Variants in AGMO observed in about 807,000 individuals in gnomAD.
The protein encoded by AGMO is alkylglycerol monooxygenase, also known as glyceryl-ether monooxygenase.
In AGMO, 75 loss-of-function variants were observed where a neutral mutation model predicts 60.2. That is an observed-to-expected ratio of 1.25 (90% CI 1.03 to 1.51). The LOEUF (loss-of-function observed/expected upper bound fraction) is 1.51. AGMO is among the 40% of genes most tolerant of loss of function. The pLI is 0.00. For missense variants in AGMO, 763 were observed against 525.5 expected (o/e 1.45, Z -4.42); for synonymous variants, 261 against 177.1 (o/e 1.47, Z -3.76).
chr7:15,175,689 A>C, the AGMO span, among the ~76,000 whole-genome samples: 5 of 151,960 alleles, frequency 3.3e-5, no homozygotes, highest in Non-Finnish European at 5.9e-5. Flanking sequence ...CAATTTTTAA[A>C]TGATAATAAC....
At chr7:15,307,047 T>A (rs919990707) in intron 12 of AGMO, among the ~76,000 whole-genome samples, 2 of 152,036 alleles carry the variant, frequency 1.3e-5, no homozygotes, top group African/African-American at 2.4e-5. Context: ...ATAAAGTGAT[T>A]CCAAAAAATA....
At chr7:15,142,110 T>A in the AGMO span, among the ~76,000 whole-genome samples, 2 of 152,170 alleles carry the variant, frequency 1.3e-5, no homozygotes. Context: ...CATGTTATTC[T>A]TAATCTCTAA....
intron 12 of AGMO, among the ~76,000 whole-genome samples, chr7:15,356,679 TG>T (rs559073564): frequency 7.2e-4 from 109 of 152,094 alleles, no homozygotes; most frequent in African/African-American, 2.5e-3. Flanking sequence ...TTATTTAGAA[TG>T]GTGTTTATTT....
chr7:15,179,517 T>G, the AGMO span, among the ~76,000 whole-genome samples: 1 of 152,178 alleles, frequency 6.6e-6, no homozygotes, highest in Non-Finnish European at 1.5e-5. Flanking sequence ...TCCTAAATTC[T>G]GGGAACACAC....
chr7:15,196,119 T>C (rs866742425), downstream of AGMO, among the ~76,000 whole-genome samples: 9 of 151,064 alleles, frequency 6.0e-5, no homozygotes, highest in African/African-American at 9.8e-5. Context: ...CTCGGCTCAC[T>C]GCAACCTCTG....
chr7:15,232,395 C>G (rs1467625114), intron 12 of AGMO, among the ~76,000 whole-genome samples: 5 of 152,178 alleles, frequency 3.3e-5, no homozygotes, highest in African/African-American at 9.7e-5. Context: ...TCCTTCTCTC[C>G]TTCTCCCCAC....
intron 5 of AGMO, among the ~76,000 whole-genome samples, chr7:15,395,165 T>C (rs1257178404): frequency 6.6e-6 from 1 of 152,206 alleles, no homozygotes; most frequent in Non-Finnish European, 1.5e-5. Flanking sequence ...ATCAATACAC[T>C]GTTATGATAT....
chr7:15,219,176 A>G (rs1477572966), intron 12 of AGMO, among the ~76,000 whole-genome samples: 2 of 152,214 alleles, frequency 1.3e-5, no homozygotes, highest in Non-Finnish European at 2.9e-5. Flanking sequence ...ATAAAATTAC[A>G]ATAATCACCC....
intron 12 of AGMO, among the ~76,000 whole-genome samples, chr7:15,325,289 A>G (rs1440734746): frequency 4.6e-5 from 7 of 152,274 alleles, no homozygotes; most frequent in East Asian, 3.9e-4. Flanking sequence ...AGTATTCACT[A>G]TATCAAATAT....
In AGMO at chr7:15,463,788, A is replaced by G. The variant is rs145105568; in HGVS notation, c.410-32680T>C. Among the ~76,000 whole-genome samples the G allele has an allele frequency of 2.0e-5, 3 of 152,276 alleles. No homozygotes were observed. In the East Asian group the frequency reaches 5.8e-4, roughly 29 times the overall value. ...TGTCTGAAGTATACAGAACTACTAC[A>G]AGTGATGAAATTACAGTTTGAATGT... On this transcript the variant is annotated intron_variant, in intron 3 of 12. Transcript: ENST00000342526.
intron 10 of AGMO, among the ~76,000 whole-genome samples, chr7:15,367,919 A>G (rs1032071708): frequency 6.6e-6 from 1 of 152,130 alleles, no homozygotes; most frequent in Non-Finnish European, 1.5e-5. Context: ...GCATCTGTCC[A>G]AAGTTATACA....
the AGMO span, among the ~76,000 whole-genome samples, chr7:15,124,389 C>T: frequency 2.6e-5 from 4 of 151,812 alleles, no homozygotes; most frequent in African/African-American, 9.7e-5. Flanking sequence ...TGCCAGTTAT[C>T]ACGGCAATAG....
chr7:15,406,896 G>A, intron 5 of AGMO, among the ~76,000 whole-genome samples: 1 of 121,650 alleles, frequency 8.2e-6, no homozygotes, highest in Non-Finnish European at 1.7e-5. Flanking sequence ...CAGGTCAGAA[G>A]ACTCAAAAGG....
At chr7:15,471,024 T>C (rs542031702) in intron 3 of AGMO, among the ~76,000 whole-genome samples, 1 of 152,110 alleles carries the variant, frequency 6.6e-6, no homozygotes, top group African/African-American at 2.4e-5. Flanking sequence ...TGGAGATACA[T>C]TTGCTCTCTG....
chr7:15,398,815 C>T (rs188169726), intron 5 of AGMO, among the ~76,000 whole-genome samples: 34 of 151,988 alleles, frequency 2.2e-4, no homozygotes, highest in African/African-American at 6.5e-4. Flanking sequence ...TTTAAAAAAC[C>T]CATAAAACTG....
intron 12 of AGMO, among the ~76,000 whole-genome samples, chr7:15,309,037 C>T (rs1017759234): frequency 6.6e-6 from 1 of 152,226 alleles, no homozygotes; most frequent in African/African-American, 2.4e-5. Context: ...AGTATTCAGG[C>T]ACTGGGCTGA....
chr7:15,323,697 A>G (rs1464357041), intron 12 of AGMO, among the ~76,000 whole-genome samples: 1 of 152,176 alleles, frequency 6.6e-6, no homozygotes, highest in Admixed American at 6.5e-5. Flanking sequence ...GCAAAGGGCT[A>G]TGGGATGGAA....
At chr7:15,187,423 G>C in the AGMO span, among the ~76,000 whole-genome samples, 2 of 152,170 alleles carry the variant, frequency 1.3e-5, no homozygotes, top group Non-Finnish European at 2.9e-5. Context: ...CCTCTCTGTA[G>C]AGCTACTTTT....
chr7:15,522,095 C>A (rs1583641699), intron 3 of AGMO, among the ~76,000 whole-genome samples: 1 of 152,218 alleles, frequency 6.6e-6, no homozygotes, highest in Admixed American at 6.5e-5. Flanking sequence ...AACTCTCATT[C>A]ACAATTGTTA....
Sources: gnomAD v4.1 joint callset for allele counts (sites outside exome capture counted in the v4.1 genomes callset) on GRCh38, gnomAD v4.1.1 for gene constraint, MANE v1.5 for transcripts, NCBI Gene and HGNC (gene_info 2026-07-23, HGNC 2026-07-21) for gene names.